MICAL3: variants seen among roughly 807,000 people sequenced by gnomAD.
MICAL3 encodes the protein [F-actin]-monooxygenase MICAL3.
A neutral mutation model predicts 207.4 loss-of-function variants in MICAL3; 62 were observed. The ratio of observed to expected loss-of-function variants is 0.30; its 90% CI spans 0.24 to 0.37. The LOEUF is 0.37. Among genes scored for constraint, MICAL3 ranks in the 10% least tolerant of loss-of-function variants. The pLI is 1.00. For synonymous variants in MICAL3, 1,077 were observed against 1,069.3 expected (o/e 1.01, Z -0.14); for missense variants, 2,368 against 2,635.6 (o/e 0.90, Z 2.22).
rs1005763518 is a variant in MICAL3 at position 17,841,906 on chromosome 22, A to G, written c.2717T>C (p.Leu906Pro). ...YRLSLRQAEA[L>P]QEVPEETQAE... ...CTGAGTCTCCTCCGGTACCTCCTGC[A>G]GTGCCTCAGCCTGCCTCAGGGACAG... is the stretch of plus-strand genomic sequence containing the variant. The change falls in exon 20 of 32, where the codon CTG (leucine) becomes CCG (proline). Residue 906 changes from leucine (L) to proline (P), a missense_variant. By Grantham distance (98) the Leu-to-Pro change is moderately conservative. This residue lies in a region of MICAL3 where 1,770 missense variants were observed against 1,863.2 expected (regional missense o/e 0.95). Transcript: ENST00000441493. The surrounding 1 kb of genome is among the most constrained non-coding windows in gnomAD (Gnocchi z 4.2). 3 of 1,591,012 alleles carry G rather than the reference A, an allele frequency of 1.9e-6. No homozygotes were observed. Among genetic ancestry groups the G allele is most frequent in the African/African-American group, 2.7e-5 (2 of 74,412 alleles).
chr22:17,939,754 T>A (rs1204316690), intron 1 of MICAL3, among the ~76,000 whole-genome samples: 1 of 152,176 alleles, frequency 6.6e-6, no homozygotes, highest in Non-Finnish European at 1.5e-5. Flanking sequence ...TATCTTCCTA[T>A]CTTTACATTA....
At chr22:17,886,528 G>T (rs1398588602) in intron 15 of MICAL3, among the ~76,000 whole-genome samples, 1 of 152,166 alleles carries the variant, frequency 6.6e-6, no homozygotes, top group Non-Finnish European at 1.5e-5. Flanking sequence ...AATTTGGCCG[G>T]GTGTGGTGGC....
At chr22:17,899,647 C>T (rs988533125) in intron 6 of MICAL3, 99 bp from the exon 7 acceptor site, 28 of 750,250 alleles carry the variant, frequency 3.7e-5, no homozygotes, top group African/African-American at 8.7e-5. Context: ...AGACAAGGGC[C>T]TGAGGCTCCA....
At chr22:17,821,929 A>G (rs5992112) in intron 24 of MICAL3, 101 bp downstream of exon 24, 561,634 of 1,443,766 alleles carry the variant, frequency 0.39, 114,474 homozygotes, top group African/African-American at 0.65. Context: ...GGTGTGCACC[A>G]TGGCTCTGCT....
intron 5 of MICAL3, 54 bp downstream of exon 5, chr22:17,901,824 A>G: frequency 7.2e-7 from 1 of 1,392,540 alleles, no homozygotes; most frequent in Non-Finnish European, 1.0e-6. Flanking sequence ...CAGAGGTAGG[A>G]TAGCATCAGC....
chr22:17,914,291 G>A (rs1027031548), intron 1 of MICAL3, among the ~76,000 whole-genome samples: 1 of 152,184 alleles, frequency 6.6e-6, no homozygotes, highest in African/African-American at 2.4e-5. Flanking sequence ...TGCTAAAGGA[G>A]TAAGATCTGT....
In MICAL3 at chr22:17,831,953, T is replaced by C; in HGVS notation, c.2956A>G (p.Ser986Gly). ...KSEEELEASK[S>G]FGPGNEEEEE... ...TCCTCTTCATTCCCAGGCCCAAAGCTCTTTGAGGCCTCTAGCTCCTCTTCA... is the reference window on the plus strand; with the variant it reads ...TCCTCTTCATTCCCAGGCCCAAAGCCCTTTGAGGCCTCTAGCTCCTCTTCA... Residue 986 changes from serine (S) to glycine (G), a missense_variant, in exon 21 of 32, where the codon AGC becomes GGC. Ser to Gly is a moderately conservative substitution (Grantham distance 56). This residue lies in a region of MICAL3 where 1,770 missense variants were observed against 1,863.2 expected (regional missense o/e 0.95). Transcript: ENST00000441493. The C allele has an allele frequency of 6.3e-7, 1 of 1,584,364 alleles. No individual in the cohort carries two copies. The highest frequency in any genetic ancestry group is 8.6e-7 in the Non-Finnish European group (1 of 1,165,294).
At chr22:17,867,417 G>C (rs1422784386) in intron 17 of MICAL3, among the ~76,000 whole-genome samples, 2 of 152,190 alleles carry the variant, frequency 1.3e-5, no homozygotes, top group African/African-American at 4.8e-5. Flanking sequence ...AAGCCACTCA[G>C]CTTTTGTAAA....
rs547774031 is a variant in MICAL3 at position 17,904,333 on chromosome 22, C to T, written c.472+299G>A. 3.3e-5 allele frequency among the ~76,000 whole-genome samples: 5 copies of T among 152,344 alleles called. No individual in the cohort carries two copies. The South Asian group carries it at 6.2e-4, about 19-fold the overall frequency. ...CGTTTCCCCAGTGCCTGCCCCAGTG[C>T]CCATCCCACAAACTGCAAGAGCTCA... On this transcript the variant is annotated intron_variant, in intron 3 of 31. Transcript: ENST00000441493.
intron 1 of MICAL3, among the ~76,000 whole-genome samples, chr22:17,939,909 A>G (rs1226360561): frequency 3.9e-5 from 6 of 152,220 alleles, no homozygotes; most frequent in Admixed American, 3.3e-4. Context: ...ACTACTGCAC[A>G]CTAATGACCT....
chr22:17,922,556 C>T (rs1932825504), intron 1 of MICAL3, among the ~76,000 whole-genome samples: 1 of 152,092 alleles, frequency 6.6e-6, no homozygotes, highest in Non-Finnish European at 1.5e-5. Context: ...TTTTCAGACA[C>T]TAAGTCACTG....
chr22:17,995,053 G>A (rs2146472133), intron 1 of MICAL3, among the ~76,000 whole-genome samples: 1 of 152,200 alleles, frequency 6.6e-6, no homozygotes, highest in South Asian at 2.1e-4. Flanking sequence ...ACACGAAAAA[G>A]ATACTGTTGT....
chr22:17,997,733 C>A (rs1922451649), intron 1 of MICAL3, among the ~76,000 whole-genome samples: 1 of 152,164 alleles, frequency 6.6e-6, no homozygotes, highest in South Asian at 2.1e-4. Flanking sequence ...TAGGACCTCA[C>A]AAAACCTTGT....
intron 1 of MICAL3, chr22:18,020,124 T>G (rs1238950775): frequency 6.6e-6 from 1 of 152,022 alleles, no homozygotes; most frequent in African/African-American, 2.4e-5. Context: ...GCTGCTGATG[T>G]TTTTAAGAGG....
At chr22:17,862,013 TAA>T (rs1926569163) in intron 19 of MICAL3, 1 of 985,336 alleles carries the variant, frequency 1.0e-6, no homozygotes, top group African/African-American at 1.7e-5. Flanking sequence ...TGCCACAATA[TAA>T]AGAGGAGGCA....
intron 16 of MICAL3, among the ~76,000 whole-genome samples, chr22:17,882,075 G>C (rs1205539882): frequency 1.3e-5 from 2 of 152,178 alleles, no homozygotes; most frequent in Admixed American, 1.3e-4. Flanking sequence ...GGGAAGCCAC[G>C]AGGTCTGGGG....
intron 1 of MICAL3, among the ~76,000 whole-genome samples, chr22:17,950,302 C>T (rs952787207): frequency 2.7e-5 from 4 of 150,384 alleles, no homozygotes; most frequent in African/African-American, 7.3e-5. Context: ...GCTGGGATTA[C>T]AGGCGCCTGC....
intron 1 of MICAL3, among the ~76,000 whole-genome samples, chr22:18,016,036 G>T (rs1924033862): frequency 6.6e-6 from 1 of 152,098 alleles, no homozygotes; most frequent in African/African-American, 2.4e-5. Flanking sequence ...TCCTGGGTCT[G>T]GTAATTATAT....
intron 12 of MICAL3, among the ~76,000 whole-genome samples, chr22:17,889,435 TG>T (rs1930214193): frequency 6.6e-6 from 1 of 152,014 alleles, no homozygotes; most frequent in Admixed American, 6.6e-5. Context: ...CCTCAGGAAG[TG>T]ATGAAAGGTC....
Sources: gnomAD v4.1 joint callset for allele counts (sites outside exome capture counted in the v4.1 genomes callset) on GRCh38, gnomAD v4.1.1 for gene constraint, gnomAD v4.1.1 regional missense constraint, Gnocchi (gnomAD v3.1) non-coding constraint, MANE v1.5 for transcripts, NCBI Gene and HGNC (gene_info 2026-07-23, HGNC 2026-07-21) for gene names.